ANO5: variants seen among roughly 807,000 people sequenced by gnomAD.
ANO5 encodes anoctamin-5.
In ANO5, 109 loss-of-function variants were observed where a neutral mutation model predicts 121.0. The ratio of observed to expected loss-of-function variants is 0.90; its 90% CI spans 0.77 to 1.06. The LOEUF is 1.06. Ranked by LOEUF, ANO5 falls within the 50% of genes least tolerant of loss-of-function variation. ANO5 has a pLI of 0.00. For synonymous variants in ANO5, 406 were observed against 359.9 expected (o/e 1.13, Z -1.45); for missense variants, 1,064 against 1,078.5 (o/e 0.99, Z 0.19).
chr11:22,261,163 ATTAG>A (rs1854175393), intron 15 of ANO5: 1 of 152,196 alleles, frequency 6.6e-6, no homozygotes, highest in South Asian at 2.1e-4. Flanking sequence ...TATTTGGTGT[ATTAG>A]TTTGTTTTCA....
At position 22,279,563 on chromosome 11, in the gene ANO5, A is replaced by C. The variant is rs375940033; in HGVS notation, c.2540A>C (p.Lys847Thr). Residue 847 changes from lysine (K) to threonine (T), a missense_variant, in exon 22 of 22, where the codon AAA becomes ACA. Physicochemically the swap from Lys to Thr is moderately conservative, Grantham distance 78. Transcript: ENST00000324559. ...CTCTAGCATGTTGTGTTTTTAGTTAAATTTTTGCTGGCCTGGATGATACCT... is the reference window on the plus strand; with the variant it reads ...CTCTAGCATGTTGTGTTTTTAGTTACATTTTTGCTGGCCTGGATGATACCT... The part of the protein sequence containing the change: ...IVMEHVVFLV[K>T]FLLAWMIPDV... The C allele has an allele frequency of 6.2e-7, 1 of 1,612,266 alleles. No homozygotes were observed. Among genetic ancestry groups the C allele is most frequent in the Non-Finnish European group, 8.5e-7 (1 of 1,178,942 alleles).
chr11:22,255,662 A>G (rs1853979300), intron 13 of ANO5, 140 bp downstream of exon 13: 2 of 933,816 alleles, frequency 2.1e-6, no homozygotes, highest in African/African-American at 3.3e-5. Flanking sequence ...ACTTGTTTCT[A>G]ATATACATAC....
chr11:22,271,107 C>A (rs1237198075), intron 18 of ANO5, among the ~76,000 whole-genome samples: 1 of 152,170 alleles, frequency 6.6e-6, no homozygotes, highest in Non-Finnish European at 1.5e-5. Flanking sequence ...GGCTGGAGCG[C>A]AGCTGCCCAA....
intron 3 of ANO5, among the ~76,000 whole-genome samples, chr11:22,215,883 T>G (rs1852426342): frequency 1.3e-5 from 2 of 151,904 alleles, no homozygotes; most frequent in African/African-American, 4.8e-5. Flanking sequence ...ATAAATGGAA[T>G]TTTACAGTAT....
intron 2 of ANO5, among the ~76,000 whole-genome samples, chr11:22,209,134 A>T (rs1028001464): frequency 1.3e-5 from 2 of 151,970 alleles, no homozygotes; most frequent in African/African-American, 2.4e-5. Context: ...TATGTTTGAA[A>T]AGGTCTTCTG....
chr11:22,264,480 A>G (rs1854298512), intron 17 of ANO5, among the ~76,000 whole-genome samples: 2 of 152,052 alleles, frequency 1.3e-5, no homozygotes, highest in Admixed American at 1.3e-4. Flanking sequence ...AATTTTAAAA[A>G]AAAAACAAGC....
intron 19 of ANO5, among the ~76,000 whole-genome samples, chr11:22,273,824 A>C (rs1200931030): frequency 6.6e-6 from 1 of 152,104 alleles, no homozygotes; most frequent in Non-Finnish European, 1.5e-5. Context: ...TACTCCAATA[A>C]ATTTTGAAAT....
intron 8 of ANO5, among the ~76,000 whole-genome samples, chr11:22,237,274 T>A (rs553566675): frequency 6.7e-6 from 1 of 148,864 alleles, no homozygotes; most frequent in East Asian, 1.9e-4. Context: ...TAATTCCCCA[T>A]TTTTTTGAAA....
In ANO5 at chr11:22,279,616, A is replaced by C. The variant is rs772869621; in HGVS notation, c.2593A>C (p.Ile865Leu). Reference sequence around the variant, plus strand: ...TGTTCCAAAAGATGTTGTGGAGAGAATCAAGAGAGAAAAGTTAATGACTAT... The same window carrying C: ...TGTTCCAAAAGATGTTGTGGAGAGACTCAAGAGAGAAAAGTTAATGACTAT... ...PDVPKDVVER[I>L]KREKLMTIKI... The change falls in exon 22 of 22, where the codon ATC (isoleucine) becomes CTC (leucine). Residue 865 changes from isoleucine (I) to leucine (L), a missense_variant. Physicochemically the swap from Ile to Leu is conservative, Grantham distance 5. Transcript: ENST00000324559. 4.0e-5 allele frequency: 65 copies of C among 1,612,956 alleles called. 1 individual carries two copies. The South Asian group carries it at 7.1e-4, about 18-fold the overall frequency.
Position 22,274,750 on chromosome 11 carries a change from G to A in ANO5, c.2414+3G>A, listed in dbSNP as rs199548403. 69 of 1,612,768 alleles carry A rather than the reference G, an allele frequency of 4.3e-5. No homozygotes were observed. The Middle Eastern group carries it at 6.6e-4, about 15-fold the overall frequency. On this transcript the variant is annotated splice_donor_region_variant and intron_variant, in intron 20 of 21. Coordinates refer to ENST00000324559, the MANE Select transcript of ANO5 (RefSeq NM_213599.3). ...AAACGAGACTTCATCACTTGCAGGT[G>A]ATTTGTTTGTTTGTTTGTTTAGGTT...
intron 9 of ANO5, among the ~76,000 whole-genome samples, chr11:22,247,060 G>A (rs1028222567): frequency 6.6e-6 from 1 of 151,996 alleles, no homozygotes; most frequent in African/African-American, 2.4e-5. Flanking sequence ...ATTAGTTACA[G>A]CACAGTAATA....
At chr11:22,224,206 A>G (rs1035129363) in intron 5 of ANO5, among the ~76,000 whole-genome samples, 6 of 152,028 alleles carry the variant, frequency 3.9e-5, no homozygotes, top group African/African-American at 1.4e-4. Context: ...ACACTGATGT[A>G]TTTGATGATT....
intron 2 of ANO5, among the ~76,000 whole-genome samples, chr11:22,205,986 G>A (rs75500746): frequency 0.063 from 9,621 of 152,100 alleles, 1,009 homozygotes; most frequent in African/African-American, 0.22. Context: ...AAATTCCCCT[G>A]AAAGACCTCT....
At chr11:22,192,971 A>T (rs2133470935), upstream of ANO5, 1 of 984,518 alleles carries the variant, frequency 1.0e-6, no homozygotes, top group South Asian at 4.7e-5. Context: ...GGGCGGGGAG[A>T]TGGCGGTCTC....
At chr11:22,242,789 A>G (rs527415477) in intron 9 of ANO5, among the ~76,000 whole-genome samples, 8 of 152,194 alleles carry the variant, frequency 5.3e-5, no homozygotes, top group African/African-American at 1.9e-4. Context: ...TATGAAATCT[A>G]GGAGACTTTT....
At chr11:22,225,681 GTC>G (rs756687273) in intron 5 of ANO5, among the ~76,000 whole-genome samples, 1 of 152,104 alleles carries the variant, frequency 6.6e-6, no homozygotes, top group Admixed American at 6.5e-5. Flanking sequence ...TGGAGCATAT[GTC>G]TCTCTGTTTA....
At chr11:22,265,394 G>A (rs549448256) in intron 17 of ANO5, among the ~76,000 whole-genome samples, 1 of 152,178 alleles carries the variant, frequency 6.6e-6, no homozygotes, top group East Asian at 1.9e-4. Flanking sequence ...GACATTTTTA[G>A]ACATGAAAAG....
intron 21 of ANO5, among the ~76,000 whole-genome samples, chr11:22,277,217 A>G (rs1854889604): frequency 6.6e-6 from 1 of 151,572 alleles, no homozygotes; most frequent in African/African-American, 2.4e-5. Context: ...AGAGGGGGAA[A>G]AAAAACTTTC....
intron 20 of ANO5, 33 bp from the exon 21 acceptor site, chr11:22,276,061 T>G: frequency 5.1e-5 from 1 of 19,622 alleles, no homozygotes; most frequent in Non-Finnish European, 1.1e-4. Context: ...ACTATTATTA[T>G]TTTTTTTTTT....
Sources: gnomAD v4.1 joint callset for allele counts (sites outside exome capture counted in the v4.1 genomes callset) on GRCh38, gnomAD v4.1.1 for gene constraint, MANE v1.5 for transcripts, NCBI Gene and HGNC (gene_info 2026-07-23, HGNC 2026-07-21) for gene names.